TXNDC5: variants seen among roughly 807,000 people sequenced by gnomAD.
TXNDC5 encodes the protein thioredoxin domain-containing protein 5.
In TXNDC5, 44 loss-of-function variants were observed where a neutral mutation model predicts 52.6. That is an observed-to-expected ratio of 0.84 (90% confidence interval 0.66 to 1.08). The LOEUF (loss-of-function observed/expected upper bound fraction) is 1.08, where lower values mean the gene tolerates loss of function less well. TXNDC5 is among the 50% of genes least tolerant of loss of function. The pLI, the probability that TXNDC5 is intolerant of heterozygous loss-of-function variation, is 0.00. For missense variants in TXNDC5, 600 were observed against 565.5 expected (o/e 1.06, Z -0.62); for synonymous variants, 241 against 234.4 (o/e 1.03, Z -0.26).
At chr6:7,892,097 C>T (rs1008403852) in intron 4 of TXNDC5, among the ~76,000 whole-genome samples, 2 of 152,212 alleles carry the variant, frequency 1.3e-5, no homozygotes, top group African/African-American at 2.4e-5. Context: ...AATGAAGGGA[C>T]GCTTGAATGA....
At chr6:7,887,550 C>T (rs559363794) in intron 7 of TXNDC5, among the ~76,000 whole-genome samples, 2 of 152,278 alleles carry the variant, frequency 1.3e-5, no homozygotes, top group South Asian at 2.1e-4. Flanking sequence ...TTCTCCTCCT[C>T]GCCATCGCAC....
chr6:7,895,053 C>A (rs1010645714), intron 4 of TXNDC5, 53 bp downstream of exon 4: 3 of 1,579,396 alleles, frequency 1.9e-6, no homozygotes, highest in East Asian at 2.3e-5. Context: ...AAGCCCAGCA[C>A]GCCAAGGAAT....
chr6:7,895,700 G>C (rs1433790671), intron 3 of TXNDC5, among the ~76,000 whole-genome samples: 1 of 152,096 alleles, frequency 6.6e-6, no homozygotes, highest in Non-Finnish European at 1.5e-5. Context: ...CAAGAGGACT[G>C]CTTGAGCCCA....
chr6:7,907,257 T>G (rs1760768518), intron 1 of TXNDC5, among the ~76,000 whole-genome samples: 1 of 151,994 alleles, frequency 6.6e-6, no homozygotes, highest in South Asian at 2.1e-4. Flanking sequence ...CTGACCATTC[T>G]GGGCCATCAC....
At chr6:7,884,797 G>A (rs1026402944) in intron 8 of TXNDC5, among the ~76,000 whole-genome samples, 1 of 152,228 alleles carries the variant, frequency 6.6e-6, no homozygotes. Context: ...GTTTATGAAA[G>A]CACAGGAGCA....
chr6:7,888,897 G>A (rs745547849), intron 6 of TXNDC5, 49 bp from the exon 7 acceptor site: 2 of 1,548,368 alleles, frequency 1.3e-6, no homozygotes, highest in South Asian at 1.2e-5. Context: ...GAGGTGTTCT[G>A]AATCACTTAA....
At chr6:7,888,922 C>G in intron 6 of TXNDC5, 74 bp from the exon 7 acceptor site, 1 of 1,510,116 alleles carries the variant, frequency 6.6e-7, no homozygotes, top group South Asian at 1.3e-5. Context: ...TCCTGCAACC[C>G]CTGCTTGCCC....
Position 7,910,593 on chromosome 6 carries a change from T to C in TXNDC5, c.184A>G (p.Ser62Gly). The change falls in exon 1 of 10, where the codon AGC becomes GGC. Residue 62 changes from serine (S) to glycine (G), a missense_variant. Physicochemically the swap from Ser to Gly is moderately conservative, Grantham distance 56 (BLOSUM62 0). Coordinates refer to ENST00000379757, the MANE Select transcript of TXNDC5 (RefSeq NM_030810.5). The part of the protein sequence containing the change: ...ADGEDGQDPH[S>G]KHLYTADMFT... ...ATGTCGGCCGTGTACAGGTGCTTGC[T>C]GTGCGGGTCCTGTCCGTCCTCGCCG... 7.1e-7 allele frequency: 1 copy of C among 1,399,756 alleles called. No individual in the cohort carries two copies. Among genetic ancestry groups the C allele is most frequent in the Non-Finnish European group, 9.4e-7 (1 of 1,060,724 alleles). 86.7% of individuals were successfully genotyped at this position (1,399,756 alleles called of 1,614,324 possible).
chr6:7,910,093 G>C lies in TXNDC5; in HGVS notation c.263+421C>G, dbSNP rs1295824078. ...CGGTTGAATTCAGGAGCGCGGCGCA[G>C]GGCGGGCTTTTCCCGGCTGTCCCCT... On this transcript the variant is annotated intron_variant, in intron 1 of 9. Coordinates refer to ENST00000379757, the MANE Select transcript of TXNDC5 (RefSeq NM_030810.5). 1.5e-5 allele frequency: 15 copies of C among 986,068 alleles called. No homozygotes were observed. The East Asian group carries it at 1.5e-3, about 97-fold the overall frequency. The allele number at this position is 986,068 out of a possible 1,614,324, so 61.1% of individuals were successfully genotyped here.
At chr6:7,890,986 A>G (rs1760170602) in intron 5 of TXNDC5, among the ~76,000 whole-genome samples, 1 of 152,208 alleles carries the variant, frequency 6.6e-6, no homozygotes, top group African/African-American at 2.4e-5. Flanking sequence ...TTTGGATACA[A>G]ATCAGCCCCA....
chr6:7,893,676 G>A (rs58745879), intron 4 of TXNDC5, among the ~76,000 whole-genome samples: 4,694 of 152,314 alleles, frequency 0.031, 232 homozygotes, highest in African/African-American at 0.1. Context: ...CCGTCAGGGC[G>A]CTGGTATGGA....
At position 7,881,560 on chromosome 6, in the gene TXNDC5, C is replaced by T. The variant is rs1455337931; in HGVS notation, c.*1584G>A. On this transcript the variant is annotated 3_prime_UTR_variant, in exon 10 of 10. Coordinates refer to ENST00000379757, the MANE Select transcript of TXNDC5 (RefSeq NM_030810.5). ...TATTTAGAAAGTATCATAGTGTAAA[C>T]AAACAAATTGTACCACTTTGATTTT... 6.6e-6 allele frequency: 1 copy of T among 152,128 alleles called. No individual in the cohort carries two copies. Among genetic ancestry groups the T allele is most frequent in the East Asian group, 1.9e-4 (1 of 5,190 alleles). The allele number at this position is 152,128 out of a possible 1,614,324, so 9.4% of individuals were successfully genotyped here.
chr6:7,902,655 G>A (rs1760607653), intron 2 of TXNDC5, among the ~76,000 whole-genome samples: 2 of 151,912 alleles, frequency 1.3e-5, no homozygotes, highest in African/African-American at 2.4e-5. Flanking sequence ...GCATTCTCGG[G>A]GGGAAAATAA....
intron 1 of TXNDC5, among the ~76,000 whole-genome samples, chr6:7,905,702 C>T (rs1157919034): frequency 6.6e-6 from 1 of 152,190 alleles, no homozygotes; most frequent in Admixed American, 6.5e-5. Context: ...ACCCTAGAAA[C>T]TTTATCCCAG....
rs369922056 is a variant in TXNDC5, at chr6:7,888,876, G to C, written c.820-28C>G. 111 of 1,583,216 alleles carry C rather than the reference G, an allele frequency of 7.0e-5. No individual in the cohort carries two copies. In the Middle Eastern group the frequency reaches 2.9e-3, roughly 41 times the overall value. On this transcript the variant is annotated intron_variant, in intron 6 of 9. Transcript: ENST00000379757. ...GGCCAAGACACGGGCACGCGGCTGA[G>C]TGAGTCCACTGAGGTGTTCTGAATC...
At chr6:7,885,180 G>T (rs748113085) in intron 8 of TXNDC5, among the ~76,000 whole-genome samples, 1 of 152,182 alleles carries the variant, frequency 6.6e-6, no homozygotes, top group Non-Finnish European at 1.5e-5. Context: ...TACCCCTATG[G>T]TTAGTTTCTC....
chr6:7,888,873 T>G (rs1439125813), intron 6 of TXNDC5, 25 bp from the exon 7 acceptor site: 1 of 1,585,230 alleles, frequency 6.3e-7, no homozygotes, highest in East Asian at 2.3e-5. Context: ...GGCACGCGGC[T>G]GAGTGAGTCC....
In TXNDC5 at chr6:7,907,733, C is replaced by T. The variant is rs144809069; in HGVS notation, c.263+2781G>A. 4.4e-3 allele frequency among the ~76,000 whole-genome samples: 664 copies of T among 152,274 alleles called. 4 individuals carry two copies. The highest frequency in any genetic ancestry group is 0.015 in the African/African-American group (621 of 41,560). On this transcript the variant is annotated intron_variant, in intron 1 of 9. Coordinates refer to ENST00000379757, the MANE Select transcript of TXNDC5 (RefSeq NM_030810.5). ...CTCCTTCCCTCTCCTGCATAGACCC[C>T]TCCAGAGTCACCACCTTGCTCTCAG...
intron 1 of TXNDC5, among the ~76,000 whole-genome samples, chr6:7,906,801 G>GT (rs1246186654): frequency 6.6e-6 from 1 of 152,032 alleles, no homozygotes; most frequent in Admixed American, 6.6e-5. Context: ...ACCCTGAAGT[G>GT]TGTGCAAGCT....
Sources: allele counts gnomAD v4.1 joint callset (sites outside exome capture counted in the v4.1 genomes callset), GRCh38; gene constraint gnomAD v4.1.1; transcripts MANE v1.5; gene names NCBI Gene and HGNC (gene_info 2026-07-23, HGNC 2026-07-21).